The following GPM6A variants were observed in gnomAD, a reference collection of about 807,000 sequenced individuals.
GPM6A encodes glycoprotein M6A, also known as neuronal membrane glycoprotein M6-a.
Under a neutral mutation model 32.1 loss-of-function variants are expected in GPM6A, and 7 were observed. The ratio of observed to expected loss-of-function variants is 0.22; its 90% CI spans 0.12 to 0.41. The LOEUF is 0.41. GPM6A is among the 10% of genes least tolerant of loss of function. The pLI is 1.00. For missense variants in GPM6A, 235 were observed against 347.2 expected, an observed-to-expected ratio of 0.68 and a Z score of 2.57; for synonymous variants, 130 against 123.4, an observed-to-expected ratio of 1.05 and a Z score of -0.35.
At chr4:175,767,653 T>C (rs1019463096) in intron 1 of GPM6A, among the ~76,000 whole-genome samples, 1 of 152,264 alleles carries the variant, frequency 6.6e-6, no homozygotes, top group Non-Finnish European at 1.5e-5. Context: ...GCTGTAGTTA[T>C]GGCTTCAGCC....
chr4:175,870,381 T>G (rs1013085682), intron 1 of GPM6A, among the ~76,000 whole-genome samples: 1 of 152,218 alleles, frequency 6.6e-6, no homozygotes, highest in African/African-American at 2.4e-5. Context: ...TAGGCTACCT[T>G]GTTGACACTG....
chr4:175,668,056 A>T (rs1391517091), intron 3 of GPM6A, among the ~76,000 whole-genome samples: 3 of 152,156 alleles, frequency 2.0e-5, no homozygotes, highest in Admixed American at 1.3e-4. Flanking sequence ...TGCTTTACAC[A>T]GTTTTCTATT....
intron 1 of GPM6A, among the ~76,000 whole-genome samples, chr4:175,932,098 GAAA>G (rs545004795): frequency 4.6e-5 from 5 of 108,376 alleles, no homozygotes; most frequent in East Asian, 2.5e-4. Context: ...TTGCCTCTAG[GAAA>G]AAAAAAAAAA....
At chr4:175,812,130 A>G in intron 1 of GPM6A, 61 bp downstream of exon 1, 2 of 1,300,700 alleles carry the variant, frequency 1.5e-6, no homozygotes, top group Non-Finnish European at 1.1e-6. Flanking sequence ...AAGTGTCTAA[A>G]GCAAACAAGG....
At chr4:175,708,814 T>G (rs1420929385) in intron 1 of GPM6A, among the ~76,000 whole-genome samples, 1 of 152,138 alleles carries the variant, frequency 6.6e-6, no homozygotes, top group Non-Finnish European at 1.5e-5. Context: ...TGACAACAAA[T>G]TTTTGCTTTC....
chr4:175,854,684 T>A (rs1158185662), intron 1 of GPM6A, among the ~76,000 whole-genome samples: 2 of 151,876 alleles, frequency 1.3e-5, no homozygotes, highest in Non-Finnish European at 2.9e-5. Flanking sequence ...ACTCCGTGAG[T>A]TGAAAGATTG....
At chr4:175,773,986 T>G (rs1733293637) in intron 1 of GPM6A, among the ~76,000 whole-genome samples, 1 of 152,170 alleles carries the variant, frequency 6.6e-6, no homozygotes, top group African/African-American at 2.4e-5. Flanking sequence ...TCTATTTCAT[T>G]AATCAACATA....
chr4:175,682,156 G>A (rs1471921433), intron 2 of GPM6A, among the ~76,000 whole-genome samples: 4 of 152,098 alleles, frequency 2.6e-5, no homozygotes, highest in African/African-American at 9.7e-5. Flanking sequence ...TGAAGAACTT[G>A]GCTGCATTTT....
intron 1 of GPM6A, among the ~76,000 whole-genome samples, chr4:175,875,812 C>G (rs558731896): frequency 6.4e-4 from 98 of 152,150 alleles, no homozygotes; most frequent in African/African-American, 2.2e-3. Context: ...AGAACAGAAG[C>G]CTTGGAAACA....
intron 1 of GPM6A, among the ~76,000 whole-genome samples, chr4:175,901,136 G>A (rs573935775): frequency 1.6e-4 from 24 of 151,504 alleles, no homozygotes; most frequent in African/African-American, 5.8e-4. Context: ...AAGGATAGTG[G>A]GGGGCTGAGG....
At chr4:175,662,826 G>C (rs1389891638) in intron 3 of GPM6A, among the ~76,000 whole-genome samples, 2 of 151,668 alleles carry the variant, frequency 1.3e-5, no homozygotes, top group Non-Finnish European at 2.9e-5. Flanking sequence ...CAAAATAGCA[G>C]CTAGAAAACA....
chr4:175,896,404 G>A (rs1023013391), intron 1 of GPM6A, among the ~76,000 whole-genome samples: 2 of 152,038 alleles, frequency 1.3e-5, no homozygotes, highest in South Asian at 2.1e-4. Flanking sequence ...CAACCTGCTC[G>A]GGGAGGTGCC....
intron 1 of GPM6A, among the ~76,000 whole-genome samples, chr4:175,858,617 GC>G (rs2111415553): frequency 6.6e-6 from 1 of 151,778 alleles, no homozygotes; most frequent in South Asian, 2.1e-4. Context: ...TTCAAACACT[GC>G]TGGTGGAAAT....
chr4:175,746,593 A>G (rs1295918709), intron 1 of GPM6A, among the ~76,000 whole-genome samples: 2 of 152,186 alleles, frequency 1.3e-5, no homozygotes, highest in African/African-American at 2.4e-5. Flanking sequence ...CAAGCTCCTC[A>G]TACCCAAAAT....
At chr4:175,909,042 C>CGGT (rs1554000481) in intron 1 of GPM6A, among the ~76,000 whole-genome samples, 6 of 56,636 alleles carry the variant, frequency 1.1e-4, no homozygotes, top group African/African-American at 4.3e-4. Context: ...AAAAAAAGGG[C>CGGT]GGGGGGGGGG....
intron 3 of GPM6A, among the ~76,000 whole-genome samples, chr4:175,668,276 G>C (rs1378178129): frequency 6.6e-6 from 1 of 151,904 alleles, no homozygotes; most frequent in East Asian, 1.9e-4. Flanking sequence ...ATCTACTTCA[G>C]ATACTTGCAG....
chr4:175,668,126 CAGAAAAA>C (rs1742850240), intron 3 of GPM6A, among the ~76,000 whole-genome samples: 2 of 152,048 alleles, frequency 1.3e-5, no homozygotes, highest in Admixed American at 6.5e-5. Context: ...CATTAGACAT[CAGAAAAA>C]ATAAGAACTT....
At chr4:175,714,941 A>G (rs1225265823) in intron 1 of GPM6A, among the ~76,000 whole-genome samples, 1 of 151,316 alleles carries the variant, frequency 6.6e-6, no homozygotes, top group Non-Finnish European at 1.5e-5. Flanking sequence ...CCCTAGGGTA[A>G]GGGAACAGTC....
chr4:175,812,265 A>C, upstream of GPM6A: 1 of 1,482,816 alleles, frequency 6.7e-7, no homozygotes. Flanking sequence ...ACACGGAATT[A>C]ATCAAAAGCT....
Sources: gnomAD v4.1 joint callset for allele counts (sites outside exome capture counted in the v4.1 genomes callset) on GRCh38, gnomAD v4.1.1 for gene constraint, MANE v1.5 for transcripts, NCBI Gene and HGNC (gene_info 2026-07-23, HGNC 2026-07-21) for gene names.